GLS2: variants seen among roughly 807,000 people sequenced by gnomAD.
GLS2 encodes the protein glutaminase 2, also known as glutaminase liver isoform, mitochondrial.
A neutral mutation model predicts 79.0 loss-of-function variants in GLS2; 52 were observed. The observed-to-expected ratio is 0.66, with a 90% CI of 0.53 to 0.83. The LOEUF is 0.83. GLS2 is among the 40% of genes least tolerant of loss of function. The pLI is 0.00. For missense variants in GLS2, 561 were observed against 764.8 expected (o/e 0.73, Z 3.14); for synonymous variants, 238 against 280.8 (o/e 0.85, Z 1.52).
At chr12:56,476,534 G>A (rs1306613938) in intron 7 of GLS2, 5 of 154,140 alleles carry the variant, frequency 3.2e-5, no homozygotes, top group Admixed American at 6.5e-5. Context: ...CAGGAGGATC[G>A]CTTGAGACCA....
chr12:56,482,291 G>GC (rs1870361248), intron 1 of GLS2, among the ~76,000 whole-genome samples: 1 of 152,044 alleles, frequency 6.6e-6, no homozygotes, highest in Non-Finnish European at 1.5e-5. Context: ...TCCCCATCAT[G>GC]CCCACACTCC....
intron 9 of GLS2, 87 bp downstream of exon 9, chr12:56,475,535 TTC>T (rs1035416503): frequency 8.1e-6 from 11 of 1,359,530 alleles, no homozygotes; most frequent in Non-Finnish European, 1.1e-5. Context: ...CCTCCTAAGA[TTC>T]TCTCTCCCCC....
At chr12:56,479,225 G>A (rs764062797) in intron 3 of GLS2, 44 bp from the exon 4 acceptor site, 1 of 1,604,814 alleles carries the variant, frequency 6.2e-7, no homozygotes, top group Admixed American at 1.7e-5. Flanking sequence ...GAGAAATGCA[G>A]CTGGGACTCA....
Position 56,471,523 on chromosome 12 carries a change from C to A in GLS2, c.1773G>T (p.Glu591Asp). 1.2e-6 allele frequency: 2 copies of A among 1,614,076 alleles called. No homozygotes were observed. Among genetic ancestry groups the A allele is most frequent in the Middle Eastern group, 1.6e-4 (1 of 6,062 alleles). Reference sequence around the variant, plus strand: ...TTTCTAAGTTCTCTTTGGACAGGGCCTCAGCTGCTGCCTCAGCCTGAGTTT... The same window carrying A: ...TTTCTAAGTTCTCTTTGGACAGGGCATCAGCTGCTGCCTCAGCCTGAGTTT... ...LSETQAEAAA[E>D]ALSKENLESM... is the part of the protein sequence containing the mutation. Residue 591 changes from glutamate to aspartate, a missense_variant, in exon 18 of 18, where the codon GAG (glutamate) becomes GAT (aspartate). Glu to Asp is a conservative substitution (Grantham distance 45). Around this residue, in one of 4 missense-constraint regions of GLS2, gnomAD observed 136 missense variants for 228.6 expected, o/e 0.59. Coordinates refer to ENST00000311966, the MANE Select transcript of GLS2 (RefSeq NM_013267.4).
At chr12:56,480,591 C>T in intron 1 of GLS2, 1 of 548,058 alleles carries the variant, frequency 1.8e-6, no homozygotes, top group Non-Finnish European at 3.3e-6. Flanking sequence ...TCCTGACCTT[C>T]AGATCTTTAT....
intron 1 of GLS2, among the ~76,000 whole-genome samples, chr12:56,484,025 A>G (rs1870499781): frequency 6.6e-6 from 1 of 152,194 alleles, no homozygotes; most frequent in Admixed American, 6.5e-5. Flanking sequence ...TAATCCCAGC[A>G]CTTTGGGAGC....
At chr12:56,483,711 G>A (rs924429453) in intron 1 of GLS2, among the ~76,000 whole-genome samples, 8 of 152,132 alleles carry the variant, frequency 5.3e-5, no homozygotes, top group African/African-American at 1.7e-4. Flanking sequence ...CTCCCTAGTA[G>A]CTGGGACTAT....
At chr12:56,479,645 G>T in intron 3 of GLS2, 135 bp downstream of exon 3, 4 of 1,034,174 alleles carry the variant, frequency 3.9e-6, no homozygotes, top group Non-Finnish European at 5.3e-6. Flanking sequence ...GAGTATTCAT[G>T]TATAACTTAT....
rs1870073876 is a variant in GLS2, at chr12:56,479,041, C to T, written c.534+11G>A. The T allele has an allele frequency of 6.2e-7, 1 of 1,613,122 alleles. No individual in the cohort carries two copies. The highest frequency in any genetic ancestry group is 8.5e-7 in the Non-Finnish European group (1 of 1,179,634). ...GGTCCCTGACCCCTCCCTTAGTCCC[C>T]TGACTCTCACTTTGCCTCCAGTGAG... On this transcript the variant is annotated intron_variant, in intron 4 of 17. Coordinates refer to ENST00000311966, the MANE Select transcript of GLS2 (RefSeq NM_013267.4).
In GLS2 at chr12:56,474,692, G is replaced by C. The variant is rs963826487; in HGVS notation, c.1076C>G (p.Ser359Ter). 6.2e-7 allele frequency: 1 copy of C among 1,611,976 alleles called. No homozygotes were observed. The highest frequency in any genetic ancestry group is 8.5e-7 in the Non-Finnish European group (1 of 1,178,674). Reference protein sequence around the residue: ...QLCSVEVTCESGSVMAATLAN... With the variant: ...QLCSVEVTCE ...GAGGGTGGCTGCCATGACACTGCCT[G>C]ATTCACAAGTGACCTCCACAGAACA... Residue 359 changes from serine (S) to a stop codon, truncating the protein, a stop_gained, in exon 12 of 18, where the codon TCA (serine) becomes TGA (stop). Transcript: ENST00000311966. LOFTEE classifies it high-confidence loss of function.
Position 56,473,598 on chromosome 12 carries a change from G to T in GLS2, c.1225-4C>A. 2 of 1,609,146 alleles carry T rather than the reference G, an allele frequency of 1.2e-6. No homozygotes were observed. Among genetic ancestry groups the T allele is most frequent in the Non-Finnish European group, 1.7e-6 (2 of 1,178,084 alleles). ...CTGACTTGGCTGGCAGGCCCACCTGGGGAACAGAACTGAAGCTGAGGATAA... is the reference window on the plus strand; with the variant it reads ...CTGACTTGGCTGGCAGGCCCACCTGTGGAACAGAACTGAAGCTGAGGATAA... On this transcript the variant is annotated splice_region_variant and splice_polypyrimidine_tract_variant and intron_variant, in intron 12 of 17. Coordinates refer to ENST00000311966, the MANE Select transcript of GLS2 (RefSeq NM_013267.4).
intron 8 of GLS2, 43 bp downstream of exon 8, chr12:56,475,902 C>T (rs771068481): frequency 6.2e-7 from 1 of 1,609,874 alleles, no homozygotes; most frequent in Admixed American, 1.7e-5. Context: ...GACAGCATGC[C>T]ATGGCGAAAT....
chr12:56,487,998 T>G lies in GLS2; in HGVS notation c.121A>C (p.Ser41Arg). Residue 41 changes from serine to arginine, a missense_variant, in exon 1 of 18, where the codon AGT becomes CGT. Ser to Arg is a moderately radical substitution (Grantham distance 110). This residue lies in a region of GLS2 where 161 missense variants were observed against 167.8 expected (regional missense o/e 0.96). Coordinates refer to ENST00000311966, the MANE Select transcript of GLS2 (RefSeq NM_013267.4). ...LLGGGVRHHL[S>R]EAAAQGRETP... The stretch of plus-strand genomic sequence containing the variant: ...TCTCTGCCCTGCGCCGCGGCCTCAC[T>G]GAGGTGGTGCCGGACGCCCCCGCCA... 6.2e-7 allele frequency: 1 copy of G among 1,600,806 alleles called. No individual in the cohort carries two copies. Among genetic ancestry groups the G allele is most frequent in the Non-Finnish European group, 8.5e-7 (1 of 1,179,346 alleles).
chr12:56,485,973 G>A (rs911174811), intron 1 of GLS2, among the ~76,000 whole-genome samples: 6 of 123,702 alleles, frequency 4.9e-5, no homozygotes, highest in African/African-American at 9.3e-5. Flanking sequence ...CCGAGATTGC[G>A]CCACTGCACT....
Position 56,472,588 on chromosome 12 carries a change from A to T in GLS2, c.1511+102T>A, listed in dbSNP as rs1869389389. On this transcript the variant is annotated intron_variant, in intron 15 of 17. Transcript: ENST00000311966. ...TTTAAATGCAATCTATATCCATTCT[A>T]ATTCCAAAGCTGAAGCACTTAACTA... is the stretch of plus-strand genomic sequence containing the variant. The T allele has an allele frequency of 1.1e-5, 12 of 1,079,510 alleles. No homozygotes were observed. The South Asian group carries it at 1.5e-4, about 13-fold the overall frequency. The allele number at this position is 1,079,510 out of a possible 1,614,324, so 66.9% of individuals were successfully genotyped here. A position where few individuals can be genotyped will look rare whatever the true frequency, so the allele number is the denominator to read the frequency against.
intron 7 of GLS2, chr12:56,477,420 T>G: frequency 2.4e-6 from 1 of 416,456 alleles, no homozygotes; most frequent in Non-Finnish European, 4.3e-6. Flanking sequence ...CTCTAGGCTC[T>G]AGACTCATGG....
intron 7 of GLS2, chr12:56,476,458 T>A (rs994595599): frequency 1.7e-5 from 3 of 173,970 alleles, no homozygotes; most frequent in African/African-American, 7.2e-5. Context: ...TGCTGGAGCT[T>A]TACTCCATCC....
At chr12:56,485,087 G>A (rs1360732874) in intron 1 of GLS2, among the ~76,000 whole-genome samples, 1 of 151,968 alleles carries the variant, frequency 6.6e-6, no homozygotes, top group Non-Finnish European at 1.5e-5. Flanking sequence ...ATACACATTC[G>A]ATGATATTAA....
At chr12:56,479,977 T>C in intron 2 of GLS2, 76 bp from the exon 3 acceptor site, 1 of 1,551,144 alleles carries the variant, frequency 6.4e-7, no homozygotes, top group Non-Finnish European at 8.7e-7. Flanking sequence ...TCCCACTGGA[T>C]ACCCAATTAG....
Sources: allele counts gnomAD v4.1 joint callset (sites outside exome capture counted in the v4.1 genomes callset), GRCh38; gene constraint gnomAD v4.1.1; regional missense constraint gnomAD v4.1.1; transcripts MANE v1.5; gene names NCBI Gene and HGNC (gene_info 2026-07-23, HGNC 2026-07-21).